DENND5B: variants seen among roughly 807,000 people sequenced by gnomAD.
DENND5B encodes DENN domain containing 5B.
A neutral mutation model predicts 140.6 loss-of-function variants in DENND5B; 34 were observed. That is an observed-to-expected ratio of 0.24 (90% confidence interval 0.18 to 0.32). DENND5B has a LOEUF of 0.32. DENND5B is among the 10% of genes least tolerant of loss of function. DENND5B has a pLI of 1.00. For synonymous variants in DENND5B, 551 were observed against 562.1 expected (o/e 0.98, Z 0.28); for missense variants, 1,142 against 1,560.2 (o/e 0.73, Z 4.52).
chr12:31,411,612 G>C (rs1942466830), intron 13 of DENND5B, among the ~76,000 whole-genome samples: 2 of 152,100 alleles, frequency 1.3e-5, no homozygotes, highest in African/African-American at 4.8e-5. Context: ...CAAAGTGCTG[G>C]GATTACAGGT....
At chr12:31,548,287 C>T (rs554221333) in intron 1 of DENND5B, among the ~76,000 whole-genome samples, 15 of 151,634 alleles carry the variant, frequency 9.9e-5, no homozygotes, top group African/African-American at 2.7e-4. Flanking sequence ...CCCAGCTATT[C>T]GGAAAGCTGA....
chr12:31,517,102 G>A (rs1463962778), intron 1 of DENND5B, among the ~76,000 whole-genome samples: 4 of 151,662 alleles, frequency 2.6e-5, no homozygotes, highest in African/African-American at 9.7e-5. Flanking sequence ...ATTCGGCTGG[G>A]GAAAAAAAAA....
intron 17 of DENND5B, among the ~76,000 whole-genome samples, chr12:31,394,448 T>C (rs1941321432): frequency 6.6e-6 from 1 of 152,194 alleles, no homozygotes; most frequent in South Asian, 2.1e-4. Flanking sequence ...ATAATTAGGA[T>C]GGATTGAGCT....
intron 11 of DENND5B, chr12:31,420,035 C>G (rs1942949353): frequency 1.0e-6 from 1 of 982,584 alleles, no homozygotes; most frequent in Non-Finnish European, 1.2e-6. Context: ...AGTGGAAGGG[C>G]TCTACACCTA....
At chr12:31,399,078 C>T (rs538085832) in intron 16 of DENND5B, among the ~76,000 whole-genome samples, 2 of 136,450 alleles carry the variant, frequency 1.5e-5, no homozygotes, top group Admixed American at 8.0e-5. Context: ...GCCGAGATTG[C>T]GCCATTGCAC....
At position 31,479,708 on chromosome 12, in the gene DENND5B, C is replaced by A. The variant is rs111717401; in HGVS notation, c.785G>T (p.Ser262Ile). ...EPVICQRPGP[S>I]ELPLSDYPLR... is the part of the protein sequence containing the mutation. The stretch of plus-strand genomic sequence containing the variant: ...GGGGTAATCAGAGAGGGGGAGTTCA[C>A]TGGGCCCAGGCCTCTGGCAGATGAC... The change falls in exon 3 of 21, where the codon AGT (serine) becomes ATT (isoleucine). Residue 262 changes from serine to isoleucine, a missense_variant. By Grantham distance (142) the Ser-to-Ile change is moderately radical. Coordinates refer to ENST00000389082, the MANE Select transcript of DENND5B (RefSeq NM_144973.4). 7 of 1,596,190 alleles carry A rather than the reference C, an allele frequency of 4.4e-6. No homozygotes were observed. In the African/African-American group the frequency reaches 9.4e-5, roughly 21 times the overall value.
At chr12:31,463,121 T>G (rs1438856910) in intron 3 of DENND5B, among the ~76,000 whole-genome samples, 1 of 151,838 alleles carries the variant, frequency 6.6e-6, no homozygotes, top group African/African-American at 2.4e-5. Context: ...AAATTAGGCA[T>G]AGTGGCACAT....
intron 1 of DENND5B, among the ~76,000 whole-genome samples, chr12:31,555,537 G>A (rs571650680): frequency 6.6e-6 from 1 of 152,212 alleles, no homozygotes; most frequent in Admixed American, 6.5e-5. Flanking sequence ...CCCGTTCTCA[G>A]ATCTCAAGCT....
At chr12:31,482,944 A>AG in intron 2 of DENND5B, among the ~76,000 whole-genome samples, 1 of 152,354 alleles carries the variant, frequency 6.6e-6, no homozygotes, top group South Asian at 2.1e-4. Context: ...GAAGCCCTGC[A>AG]TGACTCAGCC....
chr12:31,431,546 C>T (rs1319280382), intron 8 of DENND5B, among the ~76,000 whole-genome samples: 4 of 152,106 alleles, frequency 2.6e-5, no homozygotes, highest in Non-Finnish European at 5.9e-5. Flanking sequence ...GACAAGATGA[C>T]CTTAAAGATT....
intron 1 of DENND5B, chr12:31,534,733 T>C (rs977339151): frequency 9.0e-6 from 3 of 333,152 alleles, no homozygotes; most frequent in Non-Finnish European, 1.8e-5. Context: ...GTGAAGAATT[T>C]GTATAGCCTT....
intron 3 of DENND5B, among the ~76,000 whole-genome samples, chr12:31,469,088 C>A (rs1488565981): frequency 6.6e-6 from 1 of 151,920 alleles, no homozygotes; most frequent in Non-Finnish European, 1.5e-5. Context: ...GTAATCCCAG[C>A]ACTTGGGAGG....
intron 2 of DENND5B, among the ~76,000 whole-genome samples, chr12:31,492,327 A>G (rs1286458320): frequency 6.6e-6 from 1 of 152,220 alleles, no homozygotes. Context: ...ATATCTCACT[A>G]TTAATTCATT....
At chr12:31,544,978 C>G (rs1948808918) in intron 1 of DENND5B, among the ~76,000 whole-genome samples, 1 of 151,012 alleles carries the variant, frequency 6.6e-6, no homozygotes, top group Non-Finnish European at 1.5e-5. Context: ...GGAAAATAAC[C>G]TAGTTTCTTG....
At chr12:31,490,076 G>A (rs1159710981) in intron 2 of DENND5B, among the ~76,000 whole-genome samples, 2 of 152,116 alleles carry the variant, frequency 1.3e-5, no homozygotes, top group Non-Finnish European at 2.9e-5. Flanking sequence ...GAGTAAGTGA[G>A]AACTTTCAGG....
intron 1 of DENND5B, among the ~76,000 whole-genome samples, chr12:31,546,151 G>T (rs1485383483): frequency 6.6e-6 from 1 of 151,694 alleles, no homozygotes; most frequent in Non-Finnish European, 1.5e-5. Flanking sequence ...TCTCAAATTA[G>T]AAACTATATA....
intron 1 of DENND5B, among the ~76,000 whole-genome samples, chr12:31,530,380 AT>A (rs1948240780): frequency 6.6e-6 from 1 of 152,244 alleles, no homozygotes; most frequent in Non-Finnish European, 1.5e-5. Flanking sequence ...CTCGAAAAAA[AT>A]AAAAATAAAA....
In DENND5B at chr12:31,424,631, T is replaced by C; in HGVS notation, c.2295A>G (p.Gly765=). Residue 765 remains glycine (G), a synonymous_variant, in exon 10 of 21, where the codon GGA becomes GGG. Coordinates refer to ENST00000389082, the MANE Select transcript of DENND5B (RefSeq NM_144973.4). The part of the protein sequence containing the change: ...MGHEAVELGH[G]EANITGLEEN... ...CCTCCAGGCCGGTGATGTTTGCTTCTCCATGGCCAAGTTCCACCGCTTCAT... is the reference window on the plus strand; with the variant it reads ...CCTCCAGGCCGGTGATGTTTGCTTCCCCATGGCCAAGTTCCACCGCTTCAT... The C allele has an allele frequency of 6.2e-7, 1 of 1,613,958 alleles. No homozygotes were observed. Among genetic ancestry groups the C allele is most frequent in the Non-Finnish European group, 8.5e-7 (1 of 1,179,878 alleles).
chr12:31,438,058 T>A (rs1195965986), intron 7 of DENND5B, among the ~76,000 whole-genome samples: 1 of 152,176 alleles, frequency 6.6e-6, no homozygotes, highest in African/African-American at 2.4e-5. Flanking sequence ...CTCAGCTCAC[T>A]GCAACCTCTG....
Sources: gnomAD v4.1 joint callset for allele counts (sites outside exome capture counted in the v4.1 genomes callset) on GRCh38, gnomAD v4.1.1 for gene constraint, MANE v1.5 for transcripts, NCBI Gene and HGNC (gene_info 2026-07-23, HGNC 2026-07-21) for gene names.